NEFM: variants seen among roughly 807,000 people sequenced by gnomAD.
NEFM encodes the protein neurofilament medium polypeptide.
Under a neutral mutation model 48.1 loss-of-function variants are expected in NEFM, and 16 were observed. The ratio of observed to expected loss-of-function variants is 0.33; its 90% CI spans 0.23 to 0.51. The LOEUF (loss-of-function observed/expected upper bound fraction) is 0.51, where lower values mean the gene tolerates loss of function less well. NEFM is among the 20% of genes least tolerant of loss of function. The probability of loss-of-function intolerance (pLI) is 0.98; values close to 1 mark genes in which losing one functional copy is unlikely to be tolerated. For missense variants in NEFM, 1,107 were observed against 1,136.0 expected, an observed-to-expected ratio of 0.97 and a Z score of 0.37; for synonymous variants, 465 against 456.9, an observed-to-expected ratio of 1.02 and a Z score of -0.23.
chr8:24,917,019 G>A (rs773864482), intron 2 of NEFM, 42 bp from the exon 3 acceptor site: 22 of 1,576,228 alleles, frequency 1.4e-5, no homozygotes, highest in African/African-American at 5.4e-5. Context: ...AAGGCCTAGT[G>A]AAATTTTTAC....
In NEFM at chr8:24,918,636, A is replaced by T. The variant is rs373899909; in HGVS notation, c.*30A>T. The T allele has an allele frequency of 6.1e-5, 92 of 1,512,758 alleles. No individual in the cohort carries two copies. Among genetic ancestry groups the T allele is most frequent in the Non-Finnish European group, 7.9e-5 (86 of 1,094,170 alleles). The allele number at this position is 1,512,758 out of a possible 1,614,324, so 93.7% of individuals were successfully genotyped here. A position where few individuals can be genotyped will look rare whatever the true frequency, so the allele number is the denominator to read the frequency against. ...TGAGTCCATTGCAAAAGGTTAAGCCATATGACAATTTCAAAATGCATGTGA... is the reference window on the plus strand; with the variant it reads ...TGAGTCCATTGCAAAAGGTTAAGCCTTATGACAATTTCAAAATGCATGTGA... On this transcript the variant is annotated 3_prime_UTR_variant, in exon 3 of 3. Transcript: ENST00000221166.
chr8:24,918,254 T>G lies in NEFM; in HGVS notation c.2399T>G (p.Ile800Arg). 6.3e-7 allele frequency: 1 copy of G among 1,582,384 alleles called. No homozygotes were observed. Among genetic ancestry groups the G allele is most frequent in the Non-Finnish European group, 8.6e-7 (1 of 1,164,334 alleles). The change falls in exon 3 of 3, where the codon ATA becomes AGA. Residue 800 changes from isoleucine (I) to arginine (R), a missense_variant. Coordinates refer to ENST00000221166, the MANE Select transcript of NEFM (RefSeq NM_005382.2). Reference protein sequence around the residue: ...KGAKGSRKEDIAVNGEVEGKE... With the variant: ...KGAKGSRKEDRAVNGEVEGKE... ...GCCAAGGGATCCAGGAAGGAAGACA[T>G]AGCTGTCAATGGGGAGGTAGAAGGA...
chr8:24,916,436 A>G (rs1247075957), intron 2 of NEFM, among the ~76,000 whole-genome samples: 9 of 152,200 alleles, frequency 5.9e-5, no homozygotes, highest in Admixed American at 5.9e-4. Context: ...CTAAGCGCAA[A>G]GGACAAAATC....
Position 24,913,927 on chromosome 8 carries a change from C to G in NEFM, c.134C>G (p.Pro45Arg). The G allele has an allele frequency of 6.2e-7, 1 of 1,611,442 alleles. No individual in the cohort carries two copies. Among genetic ancestry groups the G allele is most frequent in the Non-Finnish European group, 8.5e-7 (1 of 1,179,378 alleles). Reference sequence around the variant, plus strand: ...TCGCAGTCGTGGTCCCGCGGCTCGCCCAGCACCGTGTCCTCCTCCTATAAG... The same window carrying G: ...TCGCAGTCGTGGTCCCGCGGCTCGCGCAGCACCGTGTCCTCCTCCTATAAG... Reference protein sequence around the residue: ...FRSQSWSRGSPSTVSSSYKRS... With the variant: ...FRSQSWSRGSRSTVSSSYKRS... The change falls in exon 1 of 3, where the codon CCC (proline) becomes CGC (arginine). Residue 45 changes from proline to arginine, a missense_variant. Pro to Arg is a moderately radical substitution (Grantham distance 103, BLOSUM62 -2). Around this residue, in one of 3 missense-constraint regions of NEFM, gnomAD observed 186 missense variants for 200.6 expected, o/e 0.93. Transcript: ENST00000221166.
intron 2 of NEFM, 31 bp downstream of exon 2, chr8:24,915,760 C>CACTA (rs1563242673): frequency 6.2e-7 from 1 of 1,613,862 alleles, no homozygotes; most frequent in Admixed American, 1.7e-5. Flanking sequence ...GTGGCCGGAA[C>CACTA]ACTAACCGCA....
At position 24,917,335 on chromosome 8, in the gene NEFM, G is replaced by A. The variant is rs1802590448; in HGVS notation, c.1480G>A (p.Glu494Lys). ...GGAAGAGAAGAAAGAAGCAGCAGAA[G>A]AAAAGGAAGAGGAACCCGAAGCTGA... The part of the protein sequence containing the change: ...MKEEKKEAAE[E>K]KEEEPEAEEE... Residue 494 changes from glutamate (E) to lysine (K), a missense_variant, in exon 3 of 3, where the codon GAA becomes AAA. Coordinates refer to ENST00000221166, the MANE Select transcript of NEFM (RefSeq NM_005382.2). 1 of 1,612,226 alleles carries A rather than the reference G, an allele frequency of 6.2e-7. No individual in the cohort carries two copies. The highest frequency in any genetic ancestry group is 8.5e-7 in the Non-Finnish European group (1 of 1,179,046).
Position 24,914,296 on chromosome 8 carries a change from A to G in NEFM, c.503A>G (p.Lys168Arg), listed in dbSNP as rs199646750. Residue 168 changes from lysine (K) to arginine (R), a missense_variant, in exon 1 of 3, where the codon AAG becomes AGG. By Grantham distance (26) the Lys-to-Arg change is conservative (BLOSUM62 2). Around this residue, in one of 3 missense-constraint regions of NEFM, gnomAD observed 917 missense variants for 916.4 expected, o/e 1.00. Coordinates refer to ENST00000221166, the MANE Select transcript of NEFM (RefSeq NM_005382.2). ...RATLEMVNHEKAQVQLDSDHL... is the reference protein window; with the variant it reads ...RATLEMVNHERAQVQLDSDHL... ...ACCCTGGAGATGGTGAACCACGAGAAGGCTCAGGTGCAGCTGGACTCGGAC... is the reference window on the plus strand; with the variant it reads ...ACCCTGGAGATGGTGAACCACGAGAGGGCTCAGGTGCAGCTGGACTCGGAC... 3.9e-4 allele frequency: 627 copies of G among 1,613,150 alleles called. No homozygotes were observed. Among genetic ancestry groups the G allele is most frequent in the Non-Finnish European group, 4.9e-4 (574 of 1,179,806 alleles).
rs753455681 is a variant in NEFM, at chr8:24,917,875, G to T, written c.2020G>T (p.Val674Leu). 4 of 1,614,090 alleles carry T rather than the reference G, an allele frequency of 2.5e-6. No individual in the cohort carries two copies. In the South Asian group the frequency reaches 4.4e-5, roughly 18 times the overall value. The change falls in exon 3 of 3, where the codon GTG becomes TTG. Residue 674 changes from valine to leucine, a missense_variant. Val to Leu is a conservative substitution (Grantham distance 32, BLOSUM62 1). Around this residue, in one of 3 missense-constraint regions of NEFM, gnomAD observed 917 missense variants for 916.4 expected, o/e 1.00. Transcript: ENST00000221166. ...CAAGTCTCCTGTGTCAAAATCACCA[G>T]TGGAAGAGAAAGCCAAATCTCCTGT... is the stretch of plus-strand genomic sequence containing the variant. ...KGKSPVSKSP[V>L]EEKAKSPVPK...
rs751975841 is a variant in NEFM at position 24,914,682 on chromosome 8, G to A, written c.889G>A (p.Ala297Thr). ...CGAAGAGTGGTTCAAATGCCGCTAC[G>A]CCAAGCTCACCGAGGCGGCCGAGCA... Reference protein sequence around the residue: ...QAEEWFKCRYAKLTEAAEQNK... With the variant: ...QAEEWFKCRYTKLTEAAEQNK... Residue 297 changes from alanine (A) to threonine (T), a missense_variant, in exon 1 of 3, where the codon GCC becomes ACC. Ala to Thr is a moderately conservative substitution (Grantham distance 58). Transcript: ENST00000221166. The A allele has an allele frequency of 3.7e-6, 6 of 1,614,050 alleles. No individual in the cohort carries two copies. In the South Asian group the frequency reaches 6.6e-5, roughly 18 times the overall value.
Position 24,917,743 on chromosome 8 carries a change from G to T in NEFM, c.1888G>T (p.Val630Leu), listed in dbSNP as rs372020328. Residue 630 changes from valine to leucine, a missense_variant, in exon 3 of 3, where the codon GTG (valine) becomes TTG (leucine). Val to Leu is a conservative substitution (Grantham distance 32). Coordinates refer to ENST00000221166, the MANE Select transcript of NEFM (RefSeq NM_005382.2). ...SPVEEKGKSP[V>L]PKSPVEEKGK... is the part of the protein sequence containing the mutation. ...AGTGGAAGAGAAAGGCAAGTCTCCT[G>T]TGCCCAAGTCACCAGTGGAAGAGAA... 1 of 1,613,752 alleles carries T rather than the reference G, an allele frequency of 6.2e-7. No homozygotes were observed. The highest frequency in any genetic ancestry group is 1.3e-5 in the African/African-American group (1 of 74,922).
At position 24,917,110 on chromosome 8, in the gene NEFM, A is replaced by G; in HGVS notation, c.1255A>G (p.Ile419Val). Residue 419 changes from isoleucine to valine, a missense_variant, in exon 3 of 3, where the codon ATC (isoleucine) becomes GTC (valine). Coordinates refer to ENST00000221166, the MANE Select transcript of NEFM (RefSeq NM_005382.2). ...ETRFSTFAGS[I>V]TGPLYTHRPP... Reference sequence around the variant, plus strand: ...TAGATTTAGCACATTTGCAGGAAGCATCACTGGGCCACTGTATACACACCG... The same window carrying G: ...TAGATTTAGCACATTTGCAGGAAGCGTCACTGGGCCACTGTATACACACCG... The G allele has an allele frequency of 1.2e-6, 2 of 1,614,206 alleles. No individual in the cohort carries two copies. The highest frequency in any genetic ancestry group is 1.7e-6 in the Non-Finnish European group (2 of 1,180,032).
rs760648603 is a variant in NEFM at position 24,918,344 on chromosome 8, T to C, written c.2489T>C (p.Val830Ala). 2.5e-6 allele frequency: 4 copies of C among 1,613,830 alleles called. No homozygotes were observed. The highest frequency in any genetic ancestry group is 2.2e-5 in the East Asian group (1 of 44,880). ...GSGREEEKGV[V>A]TNGLDLSPAD... Reference sequence around the variant, plus strand: ...GGGAGGGAAGAGGAGAAAGGCGTTGTCACCAATGGCCTAGACTTGAGCCCA... The same window carrying C: ...GGGAGGGAAGAGGAGAAAGGCGTTGCCACCAATGGCCTAGACTTGAGCCCA... Residue 830 changes from valine (V) to alanine (A), a missense_variant, in exon 3 of 3, where the codon GTC becomes GCC. This residue lies in a region of NEFM where 917 missense variants were observed against 916.4 expected (regional missense o/e 1.00). Transcript: ENST00000221166.
At chr8:24,914,995 C>T in intron 1 of NEFM, 122 bp downstream of exon 1, 1 of 1,415,370 alleles carries the variant, frequency 7.1e-7, no homozygotes. Context: ...CTAGAGCACG[C>T]GCGCCGCAGA....
Position 24,915,717 on chromosome 8 carries a change from T to C in NEFM, c.1193T>C (p.Ile398Thr). The change falls in exon 2 of 3, where the codon ATC (isoleucine) becomes ACC (threonine). Residue 398 changes from isoleucine to threonine, a missense_variant. This residue lies in a region of NEFM where 917 missense variants were observed against 916.4 expected (regional missense o/e 1.00). Coordinates refer to ENST00000221166, the MANE Select transcript of NEFM (RefSeq NM_005382.2). ...GTCAAGATGGCTCTGGATATAGAAA[T>C]CGCTGCGTACAGGTACGATGCTTAC... Reference protein sequence around the residue: ...LNVKMALDIEIAAYRKLLEGE... With the variant: ...LNVKMALDIETAAYRKLLEGE... The C allele has an allele frequency of 6.2e-7, 1 of 1,613,896 alleles. No homozygotes were observed. The highest frequency in any genetic ancestry group is 1.1e-5 in the South Asian group (1 of 91,066).
rs776309339 is a variant in NEFM, at chr8:24,913,764, G to A, written c.-30G>A. ...GCTGCGGCGAGGCCGGCAGAACGCT[G>A]TGACAGCCACACGCCCCAAGGCCTC... On this transcript the variant is annotated 5_prime_UTR_variant, in exon 1 of 3. The change creates a new upstream start codon in the 5' untranslated region. Coordinates refer to ENST00000221166, the MANE Select transcript of NEFM (RefSeq NM_005382.2). 1 of 1,592,584 alleles carries A rather than the reference G, an allele frequency of 6.3e-7. No homozygotes were observed. Among genetic ancestry groups the A allele is most frequent in the Non-Finnish European group, 8.5e-7 (1 of 1,170,690 alleles).
intron 2 of NEFM, among the ~76,000 whole-genome samples, chr8:24,916,368 G>A (rs1384160144): frequency 6.6e-6 from 1 of 152,022 alleles, no homozygotes; most frequent in Non-Finnish European, 1.5e-5. Context: ...ATATATGATC[G>A]TTTTATAGAT....
At chr8:24,915,009 AGG>A in intron 1 of NEFM, 136 bp downstream of exon 1, 1 of 1,403,900 alleles carries the variant, frequency 7.1e-7, no homozygotes, top group Non-Finnish European at 9.2e-7. Context: ...CCGCAGACCT[AGG>A]GTATTTGCGG....
chr8:24,917,860 G>T lies in NEFM; in HGVS notation c.2005G>T (p.Val669Leu), dbSNP rs762037132. ...SPVEEKGKSP[V>L]SKSPVEEKAK... ...AGTGGAAGAGAAAGGCAAGTCTCCT[G>T]TGTCAAAATCACCAGTGGAAGAGAA... Residue 669 changes from valine (V) to leucine (L), a missense_variant, in exon 3 of 3, where the codon GTG becomes TTG. This residue lies in a region of NEFM where 917 missense variants were observed against 916.4 expected (regional missense o/e 1.00). Transcript: ENST00000221166. 11 of 1,614,112 alleles carry T rather than the reference G, an allele frequency of 6.8e-6. No homozygotes were observed. The highest frequency in any genetic ancestry group is 1.7e-5 in the Admixed American group (1 of 60,018).
At chr8:24,916,121 TTCTATTTC>T (rs1205047823) in intron 2 of NEFM, among the ~76,000 whole-genome samples, 1 of 152,208 alleles carries the variant, frequency 6.6e-6, no homozygotes, top group African/African-American at 2.4e-5. Flanking sequence ...CACCAGGACG[TTCTATTTC>T]TCTGTTTCTC....
Sources: gnomAD v4.1 joint callset for allele counts (sites outside exome capture counted in the v4.1 genomes callset) on GRCh38, gnomAD v4.1.1 for gene constraint, gnomAD v4.1.1 regional missense constraint, MANE v1.5 for transcripts, NCBI Gene and HGNC (gene_info 2026-07-23, HGNC 2026-07-21) for gene names.